Variants in FAXC observed in about 807,000 individuals in gnomAD.
The protein encoded by FAXC is failed axon connections homolog.
Under a neutral mutation model 41.9 loss-of-function variants are expected in FAXC, and 10 were observed. That is an observed-to-expected ratio of 0.24 (90% CI 0.15 to 0.41). The LOEUF (loss-of-function observed/expected upper bound fraction) is 0.41. FAXC is among the 10% of genes least tolerant of loss of function. The pLI is 1.00. For missense variants in FAXC, 399 were observed against 510.9 expected (o/e 0.78, Z 2.11); for synonymous variants, 183 against 183.8 (o/e 1.00, Z 0.03).
chr6:99,329,619 C>T (rs1485071931), intron 3 of FAXC, among the ~76,000 whole-genome samples: 1 of 152,026 alleles, frequency 6.6e-6, no homozygotes, highest in Non-Finnish European at 1.5e-5. Flanking sequence ...ATCAACTCCC[C>T]CAAACAGGGG....
intron 3 of FAXC, among the ~76,000 whole-genome samples, chr6:99,328,535 T>C (rs1337848727): frequency 6.6e-6 from 1 of 152,178 alleles, no homozygotes; most frequent in East Asian, 1.9e-4. Flanking sequence ...AAGTATTCTG[T>C]TATGACAGCC....
At chr6:99,299,859 C>T (rs2128452734) in intron 4 of FAXC, among the ~76,000 whole-genome samples, 1 of 152,206 alleles carries the variant, frequency 6.6e-6, no homozygotes, top group South Asian at 2.1e-4. Flanking sequence ...TACAAGCATA[C>T]TCTAAAATCA....
At chr6:99,303,292 T>C (rs1306710607) in intron 4 of FAXC, among the ~76,000 whole-genome samples, 1 of 152,188 alleles carries the variant, frequency 6.6e-6, no homozygotes, top group African/African-American at 2.4e-5. Flanking sequence ...TAGGACTACA[T>C]CCTAGTACCC....
Position 99,284,559 on chromosome 6 carries a change from CTGTGTGTG to C in FAXC, c.941-3114_941-3107del, listed in dbSNP as rs74553398. On this transcript the variant is annotated intron_variant, in intron 5 of 5. Coordinates refer to ENST00000389677, the MANE Select transcript of FAXC (RefSeq NM_032511.4). ...AGCAGAAACAGGTTGTGTGGAGTGT[CTGTGTGTG>C]TGTGTGTGTGTGTGTGTGTGTGTGT... 1.6e-3 allele frequency among the ~76,000 whole-genome samples: 195 copies of C among 118,884 alleles called. 1 individual carries two copies. Among genetic ancestry groups the C allele is most frequent in the Middle Eastern group, 4.5e-3 (1 of 220 alleles). 78.0% of individuals were successfully genotyped at this position (118,884 alleles called of 152,430 possible).
chr6:99,318,304 C>CAAAA (rs748610778), intron 4 of FAXC, among the ~76,000 whole-genome samples: 5,991 of 104,082 alleles, frequency 0.058, 304 homozygotes, highest in Middle Eastern at 0.12. Context: ...CACACACACA[C>CAAAA]ACAAAATAGA....
intron 3 of FAXC, among the ~76,000 whole-genome samples, chr6:99,325,517 T>C (rs1409698775): frequency 2.0e-5 from 3 of 152,234 alleles, no homozygotes; most frequent in East Asian, 3.8e-4. Flanking sequence ...TACATCACAA[T>C]AGTGACTAAT....
intron 4 of FAXC, among the ~76,000 whole-genome samples, chr6:99,293,647 C>T (rs577244893): frequency 2.5e-4 from 36 of 146,884 alleles, no homozygotes; most frequent in Middle Eastern, 3.6e-3. Flanking sequence ...GACATTTTTC[C>T]CATAATGCTC....
intron 4 of FAXC, among the ~76,000 whole-genome samples, chr6:99,301,077 A>G (rs752886349): frequency 6.6e-6 from 1 of 152,212 alleles, no homozygotes; most frequent in Non-Finnish European, 1.5e-5. Context: ...GTACATAATC[A>G]CCAAAAACTG....
chr6:99,286,352 A>T (rs1316275151), intron 5 of FAXC, among the ~76,000 whole-genome samples: 1 of 152,212 alleles, frequency 6.6e-6, no homozygotes, highest in African/African-American at 2.4e-5. Flanking sequence ...CCTTTCCTGA[A>T]ACCCAAATCT....
At chr6:99,340,022 T>C (rs1311904984) in intron 2 of FAXC, among the ~76,000 whole-genome samples, 1 of 152,142 alleles carries the variant, frequency 6.6e-6, no homozygotes, top group Non-Finnish European at 1.5e-5. Context: ...CATGCCATAT[T>C]GAAACTTGAG....
intron 1 of FAXC, 144 bp from the exon 2 acceptor site, chr6:99,343,177 C>G: frequency 1.5e-6 from 1 of 669,470 alleles, no homozygotes; most frequent in Non-Finnish European, 2.4e-6. Flanking sequence ...TCACCCAGCA[C>G]CCAGTTTGTC....
At position 99,281,304 on chromosome 6, in the gene FAXC, A is replaced by G. The variant is rs1470542339; in HGVS notation, c.1090T>C (p.Tyr364His). ...TCTTCAAAGGTCTCTGTCCTTGAGT[A>G]AAAGCTAAAATCCAGCAGCGGGGTG... ...THTPLLDFSF[Y>H]SRTETFEDEG... is the part of the protein sequence containing the mutation. The change falls in exon 6 of 6, where the codon TAC becomes CAC. Residue 364 changes from tyrosine to histidine, a missense_variant. Coordinates refer to ENST00000389677, the MANE Select transcript of FAXC (RefSeq NM_032511.4). 4.3e-6 allele frequency: 7 copies of G among 1,614,080 alleles called. No homozygotes were observed. The highest frequency in any genetic ancestry group is 5.9e-6 in the Non-Finnish European group (7 of 1,180,026).
In FAXC at chr6:99,272,712, C is replaced by T. The variant is rs527631782; in HGVS notation, c.*8452G>A. 9.2e-5 allele frequency: 14 copies of T among 152,280 alleles called. No individual in the cohort carries two copies. The highest frequency in any genetic ancestry group is 3.4e-4 in the African/African-American group (14 of 41,550). The allele number at this position is 152,280 out of a possible 1,614,324, so 9.4% of individuals were successfully genotyped here. ...AAAAGCCACTCACTTGAAATTCTAT[C>T]AAAGTTATATGCCTAAAAAATTCAT... is the stretch of plus-strand genomic sequence containing the variant. On this transcript the variant is annotated 3_prime_UTR_variant, in exon 6 of 6. Transcript: ENST00000389677.
At chr6:99,324,258 G>T (rs1308865579) in intron 3 of FAXC, among the ~76,000 whole-genome samples, 3 of 151,862 alleles carry the variant, frequency 2.0e-5, no homozygotes, top group Non-Finnish European at 4.4e-5. Context: ...AAGATACAGG[G>T]TCTTGCTATG....
At chr6:99,311,104 T>C (rs1239054819) in intron 4 of FAXC, among the ~76,000 whole-genome samples, 2 of 152,350 alleles carry the variant, frequency 1.3e-5, no homozygotes, top group East Asian at 3.9e-4. Flanking sequence ...GGATGTAGAG[T>C]AGTGCTGTAA....
At chr6:99,349,802 G>A (rs1773742410), upstream of FAXC, 1 of 152,034 alleles carries the variant, frequency 6.6e-6, no homozygotes. Context: ...GCAGGGCTGA[G>A]GCGCGCCGGG....
chr6:99,297,208 G>C (rs1282733437), intron 4 of FAXC, among the ~76,000 whole-genome samples: 1 of 152,120 alleles, frequency 6.6e-6, no homozygotes, highest in Non-Finnish European at 1.5e-5. Context: ...CAGCCACAGA[G>C]GGTTGACCAG....
intron 3 of FAXC, 30 bp from the exon 4 acceptor site, chr6:99,323,697 G>A (rs1206722940): frequency 1.9e-6 from 3 of 1,552,844 alleles, no homozygotes; most frequent in Admixed American, 3.4e-5. Flanking sequence ...AGTTACTACT[G>A]TGCATCAGGT....
Position 99,281,789 on chromosome 6 carries a change from C to T in FAXC, c.941-336G>A, listed in dbSNP as rs140453439. Among the ~76,000 whole-genome samples, 773 of 152,298 alleles carry T rather than the reference C, an allele frequency of 5.1e-3. 3 individuals carry two copies. The highest frequency in any genetic ancestry group is 0.014 in the Middle Eastern group (4 of 294). ...GGGCCAGAGTCGTGATCCTGCATTT[C>T]CCACCATGATCCTGCATTTCCCAGA... On this transcript the variant is annotated intron_variant, in intron 5 of 5. Coordinates refer to ENST00000389677, the MANE Select transcript of FAXC (RefSeq NM_032511.4).
Sources: allele counts gnomAD v4.1 joint callset (sites outside exome capture counted in the v4.1 genomes callset), GRCh38; gene constraint gnomAD v4.1.1; transcripts MANE v1.5; gene names NCBI Gene and HGNC (gene_info 2026-07-23, HGNC 2026-07-21).